Variants in RELN observed in about 807,000 individuals in gnomAD.
RELN encodes the protein reelin.
RELN carries 108 observed loss-of-function variants against 427.6 expected under a neutral mutation model. The ratio of observed to expected loss-of-function variants is 0.25; its 90% CI spans 0.22 to 0.30. The LOEUF (loss-of-function observed/expected upper bound fraction) is 0.30, where lower values mean the gene tolerates loss of function less well. Ranked by LOEUF, RELN falls within the 10% of genes least tolerant of loss-of-function variation. The pLI is 1.00. For synonymous variants in RELN, 1,524 were observed against 1,513.4 expected (o/e 1.01, Z -0.16); for missense variants, 3,715 against 4,302.8 (o/e 0.86, Z 3.82).
intron 64 of RELN, among the ~76,000 whole-genome samples, chr7:103,473,715 T>G (rs1266574631): frequency 2.0e-5 from 3 of 152,178 alleles, no homozygotes; most frequent in Non-Finnish European, 4.4e-5. Flanking sequence ...ACAATACTAG[T>G]AGTGACAGCT....
intron 3 of RELN, among the ~76,000 whole-genome samples, chr7:103,788,963 C>A (rs972628371): frequency 6.6e-5 from 10 of 151,952 alleles, no homozygotes; most frequent in Non-Finnish European, 1.3e-4. Context: ...TAACCAAAAC[C>A]GCATGGTACT....
At chr7:103,570,220 G>C (rs191666105) in intron 31 of RELN, among the ~76,000 whole-genome samples, 88 of 152,310 alleles carry the variant, frequency 5.8e-4, no homozygotes, top group Non-Finnish European at 1.1e-3. Context: ...CTTGTAAACA[G>C]AAGTTCAATA....
intron 1 of RELN, among the ~76,000 whole-genome samples, chr7:103,978,043 C>A (rs988280232): frequency 1.8e-4 from 28 of 152,002 alleles, no homozygotes; most frequent in African/African-American, 6.5e-4. Context: ...TTCTTTTTAC[C>A]CAATGAAAAC....
chr7:103,798,436 T>A (rs1051807969), intron 3 of RELN, among the ~76,000 whole-genome samples: 1 of 152,194 alleles, frequency 6.6e-6, no homozygotes, highest in African/African-American at 2.4e-5. Flanking sequence ...AATGAGCTAA[T>A]GCCCATGAAT....
intron 2 of RELN, among the ~76,000 whole-genome samples, chr7:103,895,551 T>C (rs941585943): frequency 1.3e-4 from 20 of 152,116 alleles, no homozygotes; most frequent in African/African-American, 4.3e-4. Flanking sequence ...CAGAAACGTA[T>C]ACATGCAGAA....
chr7:103,597,794 T>TGCTTAGCAGGACTTGCTTA (rs1831572682), intron 24 of RELN, among the ~76,000 whole-genome samples: 2 of 152,172 alleles, frequency 1.3e-5, no homozygotes, highest in Non-Finnish European at 2.9e-5. Context: ...GTGAGTCCCC[T>TGCTTAGCAGGACTTGCTTA]GCAGGTCACA....
At chr7:103,522,260 C>T (rs918216441) in intron 47 of RELN, 61 bp from the exon 48 acceptor site, 1 of 1,535,222 alleles carries the variant, frequency 6.5e-7, no homozygotes, top group South Asian at 1.1e-5. Flanking sequence ...CAAGCTTGTT[C>T]TCAAATTAGT....
At chr7:103,605,143 A>T (rs1212668547) in intron 22 of RELN, among the ~76,000 whole-genome samples, 1 of 152,104 alleles carries the variant, frequency 6.6e-6, no homozygotes, top group East Asian at 1.9e-4. Flanking sequence ...TGAGCCTTTT[A>T]TAGACAAAAA....
chr7:103,987,544 G>A (rs1198408887), intron 1 of RELN, among the ~76,000 whole-genome samples: 1 of 152,194 alleles, frequency 6.6e-6, no homozygotes, highest in African/African-American at 2.4e-5. Context: ...TAACCTGACA[G>A]TCACGCCTTT....
intron 11 of RELN, among the ~76,000 whole-genome samples, chr7:103,663,033 T>TTC (rs3057211): frequency 0.54 from 81,459 of 151,708 alleles, 22,261 homozygotes; most frequent in South Asian, 0.63. Flanking sequence ...CACTAAAACA[T>TTC]TCTGTCAGCC....
At chr7:103,661,040 T>TG (rs900463978) in intron 12 of RELN, among the ~76,000 whole-genome samples, 10 of 152,158 alleles carry the variant, frequency 6.6e-5, no homozygotes, top group African/African-American at 2.2e-4. Context: ...TGACTATTTT[T>TG]GGGGGGAAGC....
intron 19 of RELN, among the ~76,000 whole-genome samples, chr7:103,633,312 A>G (rs1363841463): frequency 6.6e-6 from 1 of 152,096 alleles, no homozygotes; most frequent in Non-Finnish European, 1.5e-5. Context: ...GCATCAAGAT[A>G]TATTTAACTT....
chr7:103,893,350 T>G (rs1794890757), intron 2 of RELN, among the ~76,000 whole-genome samples: 1 of 152,144 alleles, frequency 6.6e-6, no homozygotes, highest in Non-Finnish European at 1.5e-5. Context: ...AGGGTAATTT[T>G]CACAGGGAAA....
intron 3 of RELN, among the ~76,000 whole-genome samples, chr7:103,809,335 G>A (rs1190422023): frequency 6.6e-6 from 1 of 152,088 alleles, no homozygotes; most frequent in Non-Finnish European, 1.5e-5. Flanking sequence ...GGGGGTGAGG[G>A]TGCAGGTAGT....
intron 48 of RELN, 132 bp downstream of exon 48, chr7:103,521,890 T>C: frequency 1.2e-6 from 1 of 853,318 alleles, no homozygotes; most frequent in Non-Finnish European, 2.0e-6. Context: ...AGTTGCAAGT[T>C]CAGATCAGGG....
intron 2 of RELN, among the ~76,000 whole-genome samples, chr7:103,915,345 C>T (rs1369802887): frequency 6.6e-6 from 1 of 152,186 alleles, no homozygotes; most frequent in Admixed American, 6.5e-5. Flanking sequence ...CAGTACACTT[C>T]TTTGCCAGCC....
intron 2 of RELN, among the ~76,000 whole-genome samples, chr7:103,905,738 T>C (rs1165050936): frequency 2.0e-5 from 3 of 150,830 alleles, no homozygotes; most frequent in Non-Finnish European, 3.0e-5. Flanking sequence ...GACTAGGTTA[T>C]CTCTTTGTCT....
At chr7:103,592,208 A>T (rs1484381539) in intron 27 of RELN, among the ~76,000 whole-genome samples, 1 of 149,798 alleles carries the variant, frequency 6.7e-6, no homozygotes, top group Non-Finnish European at 1.5e-5. Flanking sequence ...ATCCTTAAGT[A>T]GGCCCCAGTG....
intron 64 of RELN, among the ~76,000 whole-genome samples, chr7:103,477,013 G>A (rs1828059947): frequency 6.6e-6 from 1 of 152,162 alleles, no homozygotes; most frequent in Non-Finnish European, 1.5e-5. Context: ...ATTTGCTTTG[G>A]TTGTGGATAG....
Sources: gnomAD v4.1 joint callset for allele counts (sites outside exome capture counted in the v4.1 genomes callset) on GRCh38, gnomAD v4.1.1 for gene constraint, MANE v1.5 for transcripts, NCBI Gene and HGNC (gene_info 2026-07-23, HGNC 2026-07-21) for gene names.